Variants in SLIT3 observed in about 807,000 individuals in gnomAD.
SLIT3 encodes slit guidance ligand 3, also known as slit homolog 3 protein.
In SLIT3, 68 loss-of-function variants were observed where a neutral mutation model predicts 184.0. The observed-to-expected ratio is 0.37, with a 90% CI of 0.30 to 0.45. The LOEUF is 0.45. Ranked by LOEUF, SLIT3 falls within the 20% of genes least tolerant of loss-of-function variation. The probability of loss-of-function intolerance (pLI) is 1.00; values close to 1 mark genes in which losing one functional copy is unlikely to be tolerated. For missense variants in SLIT3, 1,707 were observed against 2,026.0 expected (o/e 0.84, Z 3.02); for synonymous variants, 831 against 828.6 (o/e 1.00, Z -0.05).
intron 20 of SLIT3, among the ~76,000 whole-genome samples, chr5:168,746,742 G>GGTGGTGT (rs1427302340): frequency 2.7e-5 from 2 of 74,846 alleles, no homozygotes; most frequent in African/African-American, 4.9e-5. Context: ...GGTGGTGTGC[G>GGTGGTGT]GTGGTGTGGG....
intron 1 of SLIT3, among the ~76,000 whole-genome samples, chr5:169,259,405 C>T (rs1251883549): frequency 6.6e-6 from 1 of 152,160 alleles, no homozygotes; most frequent in African/African-American, 2.4e-5. Flanking sequence ...ATTTTTCACC[C>T]ACGGGCTACA....
At chr5:169,234,135 AT>A (rs1354774778) in intron 3 of SLIT3, among the ~76,000 whole-genome samples, 1 of 152,218 alleles carries the variant, frequency 6.6e-6, no homozygotes, top group Non-Finnish European at 1.5e-5. Context: ...ATAAAAGTAT[AT>A]TTGTTGTTCA....
At chr5:168,999,299 C>T (rs531457113) in intron 4 of SLIT3, among the ~76,000 whole-genome samples, 10 of 152,266 alleles carry the variant, frequency 6.6e-5, no homozygotes, top group African/African-American at 1.9e-4. Flanking sequence ...AGGTTTCAAT[C>T]CCAGATCTGC....
chr5:169,215,468 A>C (rs562996723), intron 3 of SLIT3, among the ~76,000 whole-genome samples: 117 of 152,182 alleles, frequency 7.7e-4, no homozygotes, highest in African/African-American at 2.7e-3. Flanking sequence ...CCTTTCTGTA[A>C]AGAGCCAAAC....
intron 3 of SLIT3, among the ~76,000 whole-genome samples, chr5:169,221,102 G>A (rs558767524): frequency 6.6e-6 from 1 of 152,324 alleles, no homozygotes; most frequent in Admixed American, 6.5e-5. Context: ...GTCATTGTGA[G>A]GGCTCAGGAT....
At chr5:168,774,627 C>T (rs1472185001) in intron 12 of SLIT3, among the ~76,000 whole-genome samples, 1 of 152,184 alleles carries the variant, frequency 6.6e-6, no homozygotes, top group African/African-American at 2.4e-5. Flanking sequence ...TTGGCACCTT[C>T]TCTTGCACCC....
At chr5:168,710,452 T>G in intron 25 of SLIT3, among the ~76,000 whole-genome samples, 1 of 152,200 alleles carries the variant, frequency 6.6e-6, no homozygotes, top group Middle Eastern at 3.4e-3. Context: ...AATGTTGGAT[T>G]AAAAAATGCA....
At chr5:168,847,867 A>G (rs1461243933) in intron 5 of SLIT3, among the ~76,000 whole-genome samples, 1 of 152,160 alleles carries the variant, frequency 6.6e-6, no homozygotes, top group African/African-American at 2.4e-5. Context: ...TCAAAGGTCC[A>G]TATCGTGCCT....
chr5:168,994,006 A>G (rs1755421118), intron 4 of SLIT3: 1 of 152,298 alleles, frequency 6.6e-6, no homozygotes, highest in Admixed American at 6.5e-5. Context: ...TGAGGGATGC[A>G]GACAAGACAT....
chr5:168,743,257 G>A (rs1763694613), intron 20 of SLIT3, among the ~76,000 whole-genome samples: 1 of 152,048 alleles, frequency 6.6e-6, no homozygotes, highest in Non-Finnish European at 1.5e-5. Flanking sequence ...TTTAAAAATT[G>A]AAGGTTTATG....
rs111835204 is a variant in SLIT3, at chr5:168,818,186, T to A, written c.630-723A>T. 1.1e-3 allele frequency among the ~76,000 whole-genome samples: 169 copies of A among 152,278 alleles called. 2 individuals carry two copies. Among genetic ancestry groups the A allele is most frequent in the African/African-American group, 4.0e-3 (165 of 41,530 alleles). ...CCTTCCTGTGTTCAATTCTGTCTGG[T>A]GTATTTGCTATTCTGACTGATTCAG... is the stretch of plus-strand genomic sequence containing the variant. On this transcript the variant is annotated intron_variant, in intron 7 of 35. Coordinates refer to ENST00000519560, the MANE Select transcript of SLIT3 (RefSeq NM_003062.4).
chr5:168,811,833 G>T (rs1757164986), intron 8 of SLIT3, among the ~76,000 whole-genome samples: 1 of 152,146 alleles, frequency 6.6e-6, no homozygotes. Flanking sequence ...CAAAACAGAA[G>T]TACCATATTC....
At chr5:168,966,626 A>G (rs62377232) in intron 4 of SLIT3, among the ~76,000 whole-genome samples, 3,079 of 152,258 alleles carry the variant, frequency 0.02, 46 homozygotes, top group Middle Eastern at 0.034. Flanking sequence ...CATATCTTAA[A>G]TGCATCCTCC....
At chr5:168,727,010 CAAAAAAA>C (rs56207322) in intron 20 of SLIT3, among the ~76,000 whole-genome samples, 2 of 97,880 alleles carry the variant, frequency 2.0e-5, no homozygotes, top group African/African-American at 8.0e-5. Flanking sequence ...GACTGTGTCT[CAAAAAAA>C]AAAAAAAAAA....
At chr5:168,677,255 C>T (rs950444042) in intron 32 of SLIT3, among the ~76,000 whole-genome samples, 1 of 152,170 alleles carries the variant, frequency 6.6e-6, no homozygotes, top group African/African-American at 2.4e-5. Context: ...GAGTTTTATA[C>T]TCATCTTACA....
At chr5:168,766,567 T>C (rs531686803) in intron 14 of SLIT3, among the ~76,000 whole-genome samples, 3 of 152,242 alleles carry the variant, frequency 2.0e-5, no homozygotes, top group Non-Finnish European at 4.4e-5. Flanking sequence ...TGCAGCCATC[T>C]GCCTGAAAAC....
intron 4 of SLIT3, among the ~76,000 whole-genome samples, chr5:169,162,276 C>T (rs1440005470): frequency 2.0e-5 from 3 of 152,184 alleles, no homozygotes; most frequent in African/African-American, 7.2e-5. Flanking sequence ...GAACCACTGG[C>T]TCAGAAACTG....
intron 5 of SLIT3, among the ~76,000 whole-genome samples, chr5:168,857,839 GAGC>G (rs1758945686): frequency 6.6e-6 from 1 of 152,198 alleles, no homozygotes; most frequent in African/African-American, 2.4e-5. Context: ...GAAAACCACC[GAGC>G]TTAAAAGCCC....
intron 4 of SLIT3, among the ~76,000 whole-genome samples, chr5:168,995,143 C>T (rs923413870): frequency 1.3e-5 from 2 of 152,166 alleles, no homozygotes; most frequent in African/African-American, 2.4e-5. Context: ...ATCTTCTGTA[C>T]GTCACTCAAC....
Sources: gnomAD v4.1 joint callset for allele counts (sites outside exome capture counted in the v4.1 genomes callset) on GRCh38, gnomAD v4.1.1 for gene constraint, MANE v1.5 for transcripts, NCBI Gene and HGNC (gene_info 2026-07-23, HGNC 2026-07-21) for gene names.